The following YY1AP1 variants were observed in gnomAD, a reference collection of about 807,000 sequenced individuals.
YY1AP1 encodes YY1-associated protein 1.
Under a neutral mutation model 39.9 loss-of-function variants are expected in YY1AP1, and 43 were observed. The observed-to-expected ratio is 1.08, with a 90% CI of 0.84 to 1.39. The LOEUF (loss-of-function observed/expected upper bound fraction) is 1.39. Among genes scored for constraint, YY1AP1 ranks in the 40% most tolerant of loss-of-function variants. YY1AP1 has a pLI of 0.00. For missense variants in YY1AP1, 813 were observed against 900.7 expected, an observed-to-expected ratio of 0.90 and a Z score of 1.25; for synonymous variants, 292 against 331.3, an observed-to-expected ratio of 0.88 and a Z score of 1.29.
At chr1:155,663,127 C>T (rs1006615261) in intron 9 of YY1AP1, among the ~76,000 whole-genome samples, 1 of 152,032 alleles carries the variant, frequency 6.6e-6, no homozygotes, top group Non-Finnish European at 1.5e-5. Context: ...AATCCCAGCA[C>T]TTTGGGAGGC....
Position 155,665,601 on chromosome 1 carries a change from C to CA in YY1AP1, c.879+3025dup, listed in dbSNP as rs933184453. On this transcript the variant is annotated intron_variant, in intron 9 of 10. Transcript: ENST00000355499. ...TGGGCAACAAAGCGAGACTCGGTCT[C>CA]AAAAAAAAGCAAAACAAAACAAAAA... 1.0e-4 allele frequency among the ~76,000 whole-genome samples: 15 copies of CA among 148,274 alleles called. 1 individual carries two copies. The highest frequency in any genetic ancestry group is 1.9e-4 in the Non-Finnish European group (13 of 66,980).
At chr1:155,688,812 G>A, upstream of YY1AP1, 1 of 1,562,750 alleles carries the variant, frequency 6.4e-7, no homozygotes, top group Non-Finnish European at 8.7e-7. Flanking sequence ...CCCCACCGCG[G>A]GACTGTTCCA....
intron 9 of YY1AP1, among the ~76,000 whole-genome samples, chr1:155,663,385 A>T (rs1407118808): frequency 1.3e-5 from 2 of 151,028 alleles, no homozygotes; most frequent in African/African-American, 2.4e-5. Flanking sequence ...AAAAAAAAAA[A>T]ATTATTTCTG....
chr1:155,682,272 T>C lies in YY1AP1; in HGVS notation c.-20-1816A>G, dbSNP rs1306617917. On this transcript the variant is annotated intron_variant, in intron 2 of 10. Transcript: ENST00000355499. ...ATTTTTATTCATTTGTTTTACCTTATGTGTTCCTCTACAATGGTTATCTAG... is the reference window on the plus strand; with the variant it reads ...ATTTTTATTCATTTGTTTTACCTTACGTGTTCCTCTACAATGGTTATCTAG... Among the ~76,000 whole-genome samples, 4 of 152,316 alleles carry C rather than the reference T, an allele frequency of 2.6e-5. No individual in the cohort carries two copies. The East Asian group carries it at 5.8e-4, about 22-fold the overall frequency.
intron 8 of YY1AP1, among the ~76,000 whole-genome samples, chr1:155,669,551 AAG>A (rs531824476): frequency 1.4e-3 from 208 of 152,352 alleles, no homozygotes; most frequent in Middle Eastern, 0.014. Flanking sequence ...AGGAAGTTCA[AAG>A]AGAATACATG....
intron 8 of YY1AP1, 76 bp from the exon 9 acceptor site, chr1:155,668,853 T>G: frequency 1.2e-6 from 2 of 1,604,154 alleles, no homozygotes; most frequent in Non-Finnish European, 1.7e-6. Context: ...CTAACACATT[T>G]TACAATCTAC....
chr1:155,668,889 G>A lies in YY1AP1; in HGVS notation c.729-112C>T, dbSNP rs140251393. On this transcript the variant is annotated intron_variant, in intron 8 of 10. Coordinates refer to ENST00000355499, the MANE Select transcript of YY1AP1 (RefSeq NM_139119.3). ...TTTTTCTTACTTGTTCTTAAAACAAGGTCTCACTCTGTCACCTGGGCTGGA... is the reference window on the plus strand; with the variant it reads ...TTTTTCTTACTTGTTCTTAAAACAAAGTCTCACTCTGTCACCTGGGCTGGA... The A allele has an allele frequency of 4.2e-3, 6,295 of 1,509,120 alleles. 18 individuals carry two copies. Among genetic ancestry groups the A allele is most frequent in the Non-Finnish European group, 5.2e-3 (5,709 of 1,103,990 alleles). The allele number at this position is 1,509,120 out of a possible 1,614,324, so 93.5% of individuals were successfully genotyped here.
rs747506980 is a variant in YY1AP1 at position 155,679,530 on chromosome 1, G to C, written c.22-18C>G. 65 of 1,613,938 alleles carry C rather than the reference G, an allele frequency of 4.0e-5. No homozygotes were observed. The highest frequency in any genetic ancestry group is 5.0e-5 in the Non-Finnish European group (59 of 1,179,988). ...TCTTGGAACTGTGGGCAAAGGAAAG[G>C]GAGGGTTTTCCTGGGGAATGGGCTT... On this transcript the variant is annotated intron_variant, in intron 3 of 10. Coordinates refer to ENST00000355499, the MANE Select transcript of YY1AP1 (RefSeq NM_139119.3).
In YY1AP1 at chr1:155,660,210, A is replaced by G; in HGVS notation, c.1700T>C (p.Leu567Pro). The G allele has an allele frequency of 6.2e-7, 1 of 1,614,220 alleles. No homozygotes were observed. Among genetic ancestry groups the G allele is most frequent in the Non-Finnish European group, 8.5e-7 (1 of 1,180,036 alleles). ...CTGGATCATGTTACAGCCACCGCCA[A>G]GGCTCACAATCTTCACAGTGGTAGC... is the stretch of plus-strand genomic sequence containing the variant. ...VPATTVKIVS[L>P]GGGCNMIQPV... is the part of the protein sequence containing the mutation. Residue 567 changes from leucine to proline, a missense_variant, in exon 11 of 11, where the codon CTT (leucine) becomes CCT (proline). This residue lies in a region of YY1AP1 where 586 missense variants were observed against 647.4 expected (regional missense o/e 0.91). Transcript: ENST00000355499.
At chr1:155,661,931 C>T (rs2149024412) in intron 9 of YY1AP1, among the ~76,000 whole-genome samples, 1 of 152,224 alleles carries the variant, frequency 6.6e-6, no homozygotes, top group Admixed American at 6.5e-5. Flanking sequence ...GCTAGGATTA[C>T]AGGCGTCAGC....
At chr1:155,685,467 T>C (rs931348271) in intron 2 of YY1AP1, among the ~76,000 whole-genome samples, 1 of 151,638 alleles carries the variant, frequency 6.6e-6, no homozygotes, top group African/African-American at 2.4e-5. Context: ...TCAGGCCCAA[T>C]CCAAAACTGA....
At chr1:155,680,249 T>A (rs1450792969) in intron 3 of YY1AP1, 167 bp downstream of exon 3, 1 of 645,968 alleles carries the variant, frequency 1.5e-6, no homozygotes, top group African/African-American at 1.9e-5. Flanking sequence ...TAATCAAGAG[T>A]CTAGCAGTTA....
chr1:155,688,326 G>A, intron 1 of YY1AP1, 125 bp from the exon 2 acceptor site: 4 of 1,549,018 alleles, frequency 2.6e-6, no homozygotes, highest in Admixed American at 3.9e-5. Flanking sequence ...AAATGGCGGC[G>A]GCAGCGGCGG....
intron 8 of YY1AP1, among the ~76,000 whole-genome samples, 175 bp from the exon 9 acceptor site, chr1:155,668,952 T>C (rs923541863): frequency 1.6e-4 from 24 of 152,204 alleles, no homozygotes; most frequent in African/African-American, 5.5e-4. Context: ...CAGCTGCTAC[T>C]TCCTAAGCTG....
intron 8 of YY1AP1, among the ~76,000 whole-genome samples, chr1:155,669,865 C>CA (rs927264187): frequency 1.3e-5 from 2 of 151,712 alleles, no homozygotes; most frequent in Non-Finnish European, 2.9e-5. Flanking sequence ...CTCACCTGTA[C>CA]AAAAAAAATC....
chr1:155,682,290 T>A (rs475550), intron 2 of YY1AP1, among the ~76,000 whole-genome samples: 58,373 of 151,908 alleles, frequency 0.38, 13,169 homozygotes, highest in East Asian at 0.69. Context: ...TCTACAATGG[T>A]TATCTAGGAA....
chr1:155,671,590 A>G lies in YY1AP1; in HGVS notation c.583+970T>C, dbSNP rs1340614438. 2.6e-5 allele frequency among the ~76,000 whole-genome samples: 4 copies of G among 152,042 alleles called. No homozygotes were observed. The South Asian group carries it at 8.3e-4, about 32-fold the overall frequency. The stretch of plus-strand genomic sequence containing the variant: ...AAAGAACCATAAAAGGAATGAGACA[A>G]TTCAGTCTCATTCATTTCTGTCTCC... On this transcript the variant is annotated intron_variant, in intron 7 of 10. Coordinates refer to ENST00000355499, the MANE Select transcript of YY1AP1 (RefSeq NM_139119.3).
At position 155,659,993 on chromosome 1, in the gene YY1AP1, C is replaced by T. The variant is rs767630829; in HGVS notation, c.1917G>A (p.Val639=). The T allele has an allele frequency of 1.2e-6, 2 of 1,614,188 alleles. No individual in the cohort carries two copies. The highest frequency in any genetic ancestry group is 4.5e-5 in the East Asian group (2 of 44,880). ...CATCAGCCACAGCACAAGCAATGTCCACATTCATGTGGGCCTTATCTTCAG... is the reference window on the plus strand; with the variant it reads ...CATCAGCCACAGCACAAGCAATGTCTACATTCATGTGGGCCTTATCTTCAG... ...STPEDKAHMN[V]DIACAVADGE... The change falls in exon 11 of 11, where the codon GTG becomes GTA. Residue 639 remains valine, a synonymous_variant. Transcript: ENST00000355499.
At chr1:155,674,775 G>A (rs1650389616) in intron 6 of YY1AP1, 1 of 338,142 alleles carries the variant, frequency 3.0e-6, no homozygotes, top group Non-Finnish European at 5.6e-6. Flanking sequence ...GCAGTGAACT[G>A]AAATTGTTCC....
Sources: gnomAD v4.1 joint callset for allele counts (sites outside exome capture counted in the v4.1 genomes callset) on GRCh38, gnomAD v4.1.1 for gene constraint, gnomAD v4.1.1 regional missense constraint, MANE v1.5 for transcripts, NCBI Gene and HGNC (gene_info 2026-07-23, HGNC 2026-07-21) for gene names.